GOSR1: variants seen among roughly 807,000 people sequenced by gnomAD.
GOSR1 encodes 28 kDa Golgi SNARE protein.
GOSR1 carries 21 observed loss-of-function variants against 35.5 expected under a neutral mutation model. The ratio of observed to expected loss-of-function variants is 0.59; its 90% CI spans 0.42 to 0.85. The LOEUF is 0.85. Ranked by LOEUF, GOSR1 falls within the 40% of genes least tolerant of loss-of-function variation. The pLI, the probability that GOSR1 is intolerant of heterozygous loss-of-function variation, is 0.00. For synonymous variants in GOSR1, 94 were observed against 106.6 expected (o/e 0.88, Z 0.73); for missense variants, 285 against 309.6 (o/e 0.92, Z 0.60).
At chr17:30,484,526 CTTGT>C in intron 3 of GOSR1, 133 bp from the exon 4 acceptor site, 2 of 584,498 alleles carry the variant, frequency 3.4e-6, no homozygotes, top group South Asian at 4.2e-5. Context: ...TACTTGCTCT[CTTGT>C]TTGTTTTTTG....
At chr17:30,503,032 TG>T (rs886695905) in intron 6 of GOSR1, among the ~76,000 whole-genome samples, 5 of 152,370 alleles carry the variant, frequency 3.3e-5, no homozygotes, top group Admixed American at 2.0e-4. Context: ...GCAAAGGGAT[TG>T]ATTTTTAAAT....
intron 6 of GOSR1, chr17:30,495,530 TGTA>T: frequency 2.3e-6 from 1 of 429,646 alleles, no homozygotes; most frequent in South Asian, 1.7e-5. Flanking sequence ...CATCACCAGG[TGTA>T]GATCAGTCAC....
At chr17:30,492,225 C>A (rs571557828) in intron 5 of GOSR1, among the ~76,000 whole-genome samples, 3 of 152,134 alleles carry the variant, frequency 2.0e-5, no homozygotes, top group African/African-American at 7.2e-5. Context: ...ATGAGCAAAT[C>A]TTTAGCTTGA....
Position 30,522,400 on chromosome 17 carries a change from T to G in GOSR1, c.*22T>G. On this transcript the variant is annotated 3_prime_UTR_variant, in exon 9 of 9. Transcript: ENST00000451249. ...TTGATGGGACATCTTCAGGGACTCTTGACAGCCACCGCTTTCACACCCTGG... is the reference window on the plus strand; with the variant it reads ...TTGATGGGACATCTTCAGGGACTCTGGACAGCCACCGCTTTCACACCCTGG... The G allele has an allele frequency of 6.5e-7, 1 of 1,536,470 alleles. No homozygotes were observed. The highest frequency in any genetic ancestry group is 8.8e-7 in the Non-Finnish European group (1 of 1,137,358).
chr17:30,486,191 A>C (rs759094039), intron 4 of GOSR1, among the ~76,000 whole-genome samples: 17 of 152,130 alleles, frequency 1.1e-4, no homozygotes, highest in Non-Finnish European at 2.2e-4. Flanking sequence ...TTGTTTTTTA[A>C]GTTCTTGATG....
At chr17:30,492,925 T>C (rs944074532) in intron 6 of GOSR1, among the ~76,000 whole-genome samples, 172 bp downstream of exon 6, 1 of 152,178 alleles carries the variant, frequency 6.6e-6, no homozygotes, top group Non-Finnish European at 1.5e-5. Flanking sequence ...GTTCCAACCA[T>C]AATTAGGAAA....
chr17:30,484,854 A>G, intron 4 of GOSR1, 84 bp downstream of exon 4: 1 of 762,220 alleles, frequency 1.3e-6, no homozygotes, highest in Non-Finnish European at 2.4e-6. Flanking sequence ...ATATGTGCAC[A>G]TATATTTAAA....
Position 30,481,253 on chromosome 17 carries a change from G to T in GOSR1, c.142G>T (p.Asp48Tyr), listed in dbSNP as rs538647813. Residue 48 changes from aspartate to tyrosine, a missense_variant, in exon 2 of 9, where the codon GAC (aspartate) becomes TAC (tyrosine). Around this residue, in one of 3 missense-constraint regions of GOSR1, gnomAD observed 108 missense variants for 98.9 expected, o/e 1.09. Transcript: ENST00000451249. ...SHSSTRDGRR[D>Y]SSDTTPLLNG... ...TAGCAGTACCCGAGATGGAAGACGC[G>T]ACAGGTATAGGTACTACCAGATTCT... 2 of 1,607,568 alleles carry T rather than the reference G, an allele frequency of 1.2e-6. No homozygotes were observed. Among genetic ancestry groups the T allele is most frequent in the Admixed American group, 1.7e-5 (1 of 60,012 alleles).
intron 6 of GOSR1, among the ~76,000 whole-genome samples, chr17:30,504,025 A>G (rs1247958423): frequency 6.8e-6 from 1 of 147,250 alleles, no homozygotes; most frequent in African/African-American, 2.5e-5. Context: ...GTTTCATTTA[A>G]CTTTTTTTTT....
chr17:30,490,275 T>C, intron 5 of GOSR1, 58 bp downstream of exon 5: 1 of 841,840 alleles, frequency 1.2e-6, no homozygotes, highest in Non-Finnish European at 2.0e-6. Flanking sequence ...CTTTAGGATA[T>C]GTTCACGGTT....
intron 7 of GOSR1, among the ~76,000 whole-genome samples, chr17:30,519,373 A>C (rs188695411): frequency 6.6e-6 from 1 of 152,168 alleles, no homozygotes; most frequent in South Asian, 2.1e-4. Flanking sequence ...GCCACGTTTA[A>C]TGAGTCTGTG....
intron 1 of GOSR1, chr17:30,478,557 CTTTTTTTT>C (rs34257137): frequency 2.3e-5 from 3 of 131,842 alleles, no homozygotes; most frequent in African/African-American, 8.5e-5. Flanking sequence ...AGCTAGAAAA[CTTTTTTTT>C]TTTTTTTTTT....
chr17:30,516,174 G>A (rs1462407674), intron 7 of GOSR1, among the ~76,000 whole-genome samples: 1 of 151,320 alleles, frequency 6.6e-6, no homozygotes, highest in Non-Finnish European at 1.5e-5. Flanking sequence ...TACTAAAACG[G>A]ATAAAGAAAA....
intron 6 of GOSR1, among the ~76,000 whole-genome samples, chr17:30,502,195 G>A (rs2143788714): frequency 6.6e-6 from 1 of 152,300 alleles, no homozygotes; most frequent in African/African-American, 2.4e-5. Context: ...AGGGGTTGAG[G>A]ATGGGAAATG....
At chr17:30,494,018 A>G (rs1002802897) in intron 6 of GOSR1, among the ~76,000 whole-genome samples, 2 of 152,142 alleles carry the variant, frequency 1.3e-5, no homozygotes, top group African/African-American at 4.8e-5. Context: ...CAAATTTCCA[A>G]GTTTGATATT....
At chr17:30,499,718 A>G (rs1247786295) in intron 6 of GOSR1, among the ~76,000 whole-genome samples, 2 of 152,202 alleles carry the variant, frequency 1.3e-5, no homozygotes, top group East Asian at 3.8e-4. Flanking sequence ...ATTTATAAGA[A>G]AGTGTCAAAC....
At chr17:30,502,702 AG>A (rs779995591) in intron 6 of GOSR1, among the ~76,000 whole-genome samples, 10 of 152,246 alleles carry the variant, frequency 6.6e-5, no homozygotes, top group African/African-American at 1.4e-4. Flanking sequence ...CCAGACTGAA[AG>A]GAATTATGCC....
Position 30,524,931 on chromosome 17 carries a change from G to C in GOSR1, c.*2553G>C, listed in dbSNP as rs1055763104. ...GTTGAGGGTGCATGTGGCAGAATCT[G>C]TCTCTCTCTGCACCTGTCTTCTGTT... On this transcript the variant is annotated 3_prime_UTR_variant, in exon 9 of 9. Coordinates refer to ENST00000451249, the MANE Select transcript of GOSR1 (RefSeq NM_001007025.2). The C allele has an allele frequency of 6.6e-6, 1 of 152,180 alleles. No individual in the cohort carries two copies. Among genetic ancestry groups the C allele is most frequent in the Non-Finnish European group, 1.5e-5 (1 of 68,038 alleles). 9.4% of individuals were successfully genotyped at this position (152,180 alleles called of 1,614,324 possible).
chr17:30,493,881 TG>T (rs1358620753), intron 6 of GOSR1, among the ~76,000 whole-genome samples: 1 of 152,220 alleles, frequency 6.6e-6, no homozygotes, highest in East Asian at 1.9e-4. Context: ...GGTTATGTTC[TG>T]TTTTTACTAT....
Sources: allele counts gnomAD v4.1 joint callset (sites outside exome capture counted in the v4.1 genomes callset), GRCh38; gene constraint gnomAD v4.1.1; regional missense constraint gnomAD v4.1.1; transcripts MANE v1.5; gene names NCBI Gene and HGNC (gene_info 2026-07-23, HGNC 2026-07-21).